Variants in ABTB2 observed in about 807,000 individuals in gnomAD.
ABTB2 encodes ankyrin repeat and BTB domain containing 2.
A neutral mutation model predicts 104.1 loss-of-function variants in ABTB2; 56 were observed. The observed-to-expected ratio is 0.54, with a 90% CI of 0.43 to 0.67. ABTB2 has a LOEUF of 0.67. Ranked by LOEUF, ABTB2 falls within the 30% of genes least tolerant of loss-of-function variation. ABTB2 has a pLI of 0.00. For missense variants in ABTB2, 1,279 were observed against 1,407.7 expected, an observed-to-expected ratio of 0.91 and a Z score of 1.46; for synonymous variants, 606 against 608.2, an observed-to-expected ratio of 1.00 and a Z score of 0.05.
At chr11:34,227,280 A>G (rs1023418581) in intron 1 of ABTB2, among the ~76,000 whole-genome samples, 3 of 146,372 alleles carry the variant, frequency 2.0e-5, no homozygotes, top group South Asian at 2.2e-4. Context: ...TCTCAAAAAA[A>G]AAAAAGAAAA....
intron 1 of ABTB2, among the ~76,000 whole-genome samples, chr11:34,277,833 G>A (rs1258887883): frequency 3.0e-5 from 4 of 133,178 alleles, no homozygotes; most frequent in South Asian, 2.3e-4. Flanking sequence ...AGATGGAGTC[G>A]TGCTCTTGTT....
At chr11:34,329,751 G>T (rs760778121) in intron 1 of ABTB2, among the ~76,000 whole-genome samples, 1 of 152,158 alleles carries the variant, frequency 6.6e-6, no homozygotes, top group Non-Finnish European at 1.5e-5. Flanking sequence ...AAGAAACAGG[G>T]TCCCAAAGGT....
At chr11:34,164,567 C>G (rs978239536) in intron 9 of ABTB2, 119 bp downstream of exon 9, 1 of 1,223,438 alleles carries the variant, frequency 8.2e-7, no homozygotes, top group Non-Finnish European at 1.1e-6. Flanking sequence ...CACACAGGCC[C>G]CCTGTTTTGG....
chr11:34,344,660 C>A (rs1189709979), intron 1 of ABTB2, among the ~76,000 whole-genome samples: 2 of 152,118 alleles, frequency 1.3e-5, no homozygotes, highest in Non-Finnish European at 2.9e-5. Context: ...TTATACCTGG[C>A]TAGTTTTTGT....
intron 1 of ABTB2, among the ~76,000 whole-genome samples, chr11:34,268,437 C>T (rs1854275018): frequency 6.6e-6 from 1 of 152,242 alleles, no homozygotes; most frequent in Non-Finnish European, 1.5e-5. Context: ...AGATCATCCA[C>T]TGCAGCAGCG....
intron 1 of ABTB2, among the ~76,000 whole-genome samples, chr11:34,276,350 A>G (rs1009026298): frequency 6.6e-6 from 1 of 152,230 alleles, no homozygotes; most frequent in Non-Finnish European, 1.5e-5. Flanking sequence ...TCAAAACTTA[A>G]TCAGTTATTC....
intron 3 of ABTB2, among the ~76,000 whole-genome samples, chr11:34,182,682 G>A (rs578101657): frequency 1.3e-5 from 2 of 152,172 alleles, no homozygotes; most frequent in Admixed American, 1.3e-4. Context: ...AGGAGCCTGA[G>A]AGTTTCTGTT....
intron 1 of ABTB2, among the ~76,000 whole-genome samples, chr11:34,265,661 GAAAAAA>G (rs1233763258): frequency 3.9e-5 from 1 of 25,654 alleles, no homozygotes; most frequent in African/African-American, 1.4e-4. Context: ...TCTGTCTCAA[GAAAAAA>G]AAAAAAAAAA....
intron 1 of ABTB2, among the ~76,000 whole-genome samples, chr11:34,306,142 C>G (rs1854767968): frequency 6.6e-6 from 1 of 151,150 alleles, no homozygotes; most frequent in African/African-American, 2.4e-5. Flanking sequence ...CACCATGACT[C>G]TAAACTAATT....
At chr11:34,283,213 C>T (rs192014346) in intron 1 of ABTB2, among the ~76,000 whole-genome samples, 28 of 149,428 alleles carry the variant, frequency 1.9e-4, no homozygotes, top group African/African-American at 5.9e-4. Context: ...CCACCGTGCC[C>T]GGCCATCTTT....
chr11:34,242,536 T>C (rs1452770680), intron 1 of ABTB2: 1 of 152,336 alleles, frequency 6.6e-6, no homozygotes, highest in East Asian at 1.9e-4. Context: ...TGCTGGACCA[T>C]GGCATTTTTG....
intron 1 of ABTB2, among the ~76,000 whole-genome samples, chr11:34,296,038 G>A (rs187022259): frequency 2.6e-4 from 40 of 152,258 alleles, no homozygotes; most frequent in South Asian, 1.5e-3. Flanking sequence ...AGGCTAAGGC[G>A]GGAGTATTGC....
At position 34,356,167 on chromosome 11, in the gene ABTB2, C is replaced by T. The variant is rs1855462236; in HGVS notation, c.883+534G>A. On this transcript the variant is annotated intron_variant, in intron 1 of 16. Transcript: ENST00000435224. This position sits in a 1 kb window ranked among gnomAD's most constrained non-coding sequence, Gnocchi z 4.6. Reference sequence around the variant, plus strand: ...GAGAGCGCCTGACAGCATCCTTCAGCCCAGCAAAGCACAAGGCGCAGCACC... The same window carrying T: ...GAGAGCGCCTGACAGCATCCTTCAGTCCAGCAAAGCACAAGGCGCAGCACC... Among the ~76,000 whole-genome samples, 1 of 152,210 alleles carries T rather than the reference C, an allele frequency of 6.6e-6. No homozygotes were observed. Among genetic ancestry groups the T allele is most frequent in the Non-Finnish European group, 1.5e-5 (1 of 68,038 alleles).
chr11:34,173,053 CTCT>C (rs1852906032), intron 4 of ABTB2, 99 bp downstream of exon 4: 5 of 1,459,806 alleles, frequency 3.4e-6, no homozygotes, highest in Non-Finnish European at 4.7e-6. Context: ...GCAGCCCCTG[CTCT>C]CTGACCCCCG....
At chr11:34,165,465 C>T (rs1285900964) in intron 7 of ABTB2, 109 bp from the exon 8 acceptor site, 7 of 833,340 alleles carry the variant, frequency 8.4e-6, no homozygotes, top group African/African-American at 1.7e-5. Flanking sequence ...AGGCATGTGA[C>T]CAAGACACAG....
At chr11:34,263,362 C>CA (rs1171704078) in intron 1 of ABTB2, among the ~76,000 whole-genome samples, 21 of 152,128 alleles carry the variant, frequency 1.4e-4, no homozygotes, top group Admixed American at 7.2e-4. Flanking sequence ...TTTATTGCAA[C>CA]AAAAGCAACC....
chr11:34,209,006 C>T (rs1853443581), intron 1 of ABTB2, among the ~76,000 whole-genome samples: 1 of 152,146 alleles, frequency 6.6e-6, no homozygotes, highest in Non-Finnish European at 1.5e-5. Context: ...GTTAGCCTCA[C>T]AAAGAAGTCC....
rs533463029 is a variant in ABTB2, at chr11:34,162,769, C to T, written c.2025G>A (p.Gln675=). 1.9e-6 allele frequency: 3 copies of T among 1,607,718 alleles called. No individual in the cohort carries two copies. Among genetic ancestry groups the T allele is most frequent in the East Asian group, 2.2e-5 (1 of 44,884 alleles). The part of the protein sequence containing the change: ...VLRKLLTQPQ[Q]AKADVLSLEE... ...CCAGGGACAGCACGTCCGCTTTAGC[C>T]TGCTGTGGCTGCGTCAGGAGCTTCC... Residue 675 remains glutamine (Q), a synonymous_variant, in exon 10 of 17, where the codon CAG becomes CAA. Transcript: ENST00000435224.
chr11:34,200,547 G>A (rs1356123701), intron 2 of ABTB2, among the ~76,000 whole-genome samples: 3 of 152,292 alleles, frequency 2.0e-5, no homozygotes, highest in Admixed American at 6.5e-5. Flanking sequence ...CTTACACTGC[G>A]TGGCAACCCA....
Sources: allele counts gnomAD v4.1 joint callset (sites outside exome capture counted in the v4.1 genomes callset), GRCh38; gene constraint gnomAD v4.1.1; non-coding constraint Gnocchi (gnomAD v3.1); transcripts MANE v1.5; gene names NCBI Gene and HGNC (gene_info 2026-07-23, HGNC 2026-07-21).